ANKS1B: variants seen among roughly 807,000 people sequenced by gnomAD.
ANKS1B encodes the protein ankyrin repeat and sterile alpha motif domain-containing protein 1B.
Under a neutral mutation model 148.3 loss-of-function variants are expected in ANKS1B, and 36 were observed. The ratio of observed to expected loss-of-function variants is 0.24; its 90% confidence interval spans 0.19 to 0.32. The LOEUF is 0.32. ANKS1B is among the 10% of genes least tolerant of loss of function. ANKS1B has a pLI of 1.00. For missense variants in ANKS1B, 1,157 were observed against 1,542.6 expected (o/e 0.75, Z 4.19); for synonymous variants, 542 against 560.8 (o/e 0.97, Z 0.47).
chr12:99,541,389 T>G (rs1215009669), intron 9 of ANKS1B, among the ~76,000 whole-genome samples: 1 of 152,180 alleles, frequency 6.6e-6, no homozygotes, highest in Non-Finnish European at 1.5e-5. Flanking sequence ...CACAAAATGC[T>G]GGCAAACTAA....
At chr12:98,752,193 G>A (rs1034337841) in intron 25 of ANKS1B, among the ~76,000 whole-genome samples, 3 of 152,008 alleles carry the variant, frequency 2.0e-5, no homozygotes, top group Admixed American at 1.3e-4. Context: ...ATAAAGCCAA[G>A]CTGTGCCCTG....
intron 12 of ANKS1B, among the ~76,000 whole-genome samples, chr12:99,302,399 A>G (rs779181935): frequency 6.6e-6 from 1 of 152,166 alleles, no homozygotes; most frequent in Non-Finnish European, 1.5e-5. Flanking sequence ...AAACAACAGT[A>G]GCATTACCAT....
rs369274795 is a variant in ANKS1B, at chr12:99,805,888, G to A, written c.669+516C>T. ...ATCAGTAAGTCTAAATTCACATCCC[G>A]GTTTTATCAACTATGTGTCCTTAGA... On this transcript the variant is annotated intron_variant, in intron 4 of 26. Coordinates refer to ENST00000683438, the MANE Select transcript of ANKS1B (RefSeq NM_001352186.2). Among the ~76,000 whole-genome samples, 14 of 151,856 alleles carry A rather than the reference G, an allele frequency of 9.2e-5. No individual in the cohort carries two copies. The South Asian group carries it at 1.7e-3, about 18-fold the overall frequency.
At chr12:99,499,982 A>G (rs1427973046) in intron 10 of ANKS1B, among the ~76,000 whole-genome samples, 2 of 152,050 alleles carry the variant, frequency 1.3e-5, no homozygotes, top group Non-Finnish European at 2.9e-5. Flanking sequence ...TCAAGCCAAA[A>G]GGGCCAAGGA....
chr12:99,327,321 C>T lies in ANKS1B; in HGVS notation c.1756+72310G>A, dbSNP rs1360916885. On this transcript the variant is annotated intron_variant, in intron 12 of 26. Transcript: ENST00000683438. ...AATATGTAATTATATATTATAATTA[C>T]ATATTATATATAATTATATATTATA... is the stretch of plus-strand genomic sequence containing the variant. Among the ~76,000 whole-genome samples, 856 of 94,128 alleles carry T rather than the reference C, an allele frequency of 9.1e-3. 21 individuals carry two copies. Among genetic ancestry groups the T allele is most frequent in the African/African-American group, 0.036 (815 of 22,916 alleles). 61.8% of individuals were successfully genotyped at this position (94,128 alleles called of 152,430 possible).
At chr12:98,895,064 G>C (rs1237065636) in intron 17 of ANKS1B, 2 of 953,540 alleles carry the variant, frequency 2.1e-6, no homozygotes, top group Non-Finnish European at 2.5e-6. Context: ...CCATTGTTCC[G>C]CGGCTGCTGC....
At chr12:98,947,456 A>C (rs534037791) in intron 17 of ANKS1B, among the ~76,000 whole-genome samples, 51 of 152,304 alleles carry the variant, frequency 3.3e-4, no homozygotes, top group African/African-American at 1.2e-3. Context: ...GTGGGAGAAA[A>C]GCAAGGAGTC....
At chr12:98,913,587 C>T (rs2099789754) in intron 17 of ANKS1B, among the ~76,000 whole-genome samples, 1 of 152,098 alleles carries the variant, frequency 6.6e-6, no homozygotes, top group Non-Finnish European at 1.5e-5. Flanking sequence ...GTGGGCCTGT[C>T]AAACTTAATA....
At chr12:99,869,013 C>A (rs898109668) in intron 1 of ANKS1B, among the ~76,000 whole-genome samples, 7 of 151,886 alleles carry the variant, frequency 4.6e-5, no homozygotes, top group Non-Finnish European at 7.4e-5. Context: ...GTGGAGATTG[C>A]GCCACTGCAA....
intron 9 of ANKS1B, among the ~76,000 whole-genome samples, chr12:99,542,873 T>G (rs891431658): frequency 1.1e-4 from 17 of 152,030 alleles, no homozygotes; most frequent in African/African-American, 3.9e-4. Flanking sequence ...AAGGGTAAAC[T>G]CTACAAAACT....
At position 99,716,795 on chromosome 12, in the gene ANKS1B, G is replaced by A. The variant is rs189055296; in HGVS notation, c.1128+56127C>T. Among the ~76,000 whole-genome samples the A allele has an allele frequency of 4.5e-3, 685 of 152,056 alleles. 11 individuals carry two copies. Among genetic ancestry groups the A allele is most frequent in the African/African-American group, 0.016 (654 of 41,442 alleles). On this transcript the variant is annotated intron_variant, in intron 8 of 26. Transcript: ENST00000683438. ...CTCAGTCCCAACCCCAAGCGTCGCT[G>A]AGTCTTTCTAATCTTCCTTTTCTAC...
chr12:99,310,967 T>C (rs1025263410), intron 12 of ANKS1B, among the ~76,000 whole-genome samples: 9 of 152,210 alleles, frequency 5.9e-5, no homozygotes, highest in East Asian at 1.9e-4. Flanking sequence ...GGGAAAACAA[T>C]AGCACCTGCC....
intron 10 of ANKS1B, among the ~76,000 whole-genome samples, chr12:99,457,365 A>G (rs551334280): frequency 6.6e-6 from 1 of 151,276 alleles, no homozygotes; most frequent in Non-Finnish European, 1.5e-5. Context: ...CAACACTATG[A>G]AAAAAAAACC....
chr12:98,993,744 A>G (rs999998525), intron 17 of ANKS1B, among the ~76,000 whole-genome samples: 5 of 152,268 alleles, frequency 3.3e-5, no homozygotes, highest in Non-Finnish European at 7.3e-5. Context: ...TGCTGAAAGA[A>G]AAATGATGAT....
chr12:99,280,848 CTCTCTCTCTCTCTCTCTGTCTG>C (rs967634765), intron 12 of ANKS1B, among the ~76,000 whole-genome samples: 3 of 150,518 alleles, frequency 2.0e-5, no homozygotes, highest in African/African-American at 7.4e-5. Flanking sequence ...AAATCTCTCT[CTCTCTCTCTCTCTCTCTGTCTG>C]TCTCTCTCTC....
At chr12:99,584,567 A>T (rs1035985238) in intron 9 of ANKS1B, among the ~76,000 whole-genome samples, 5 of 152,182 alleles carry the variant, frequency 3.3e-5, no homozygotes, top group African/African-American at 1.2e-4. Context: ...ACTGTACTCC[A>T]GCCTGGGTGA....
At chr12:98,792,723 C>A (rs1295584200) in intron 22 of ANKS1B, among the ~76,000 whole-genome samples, 6 of 152,238 alleles carry the variant, frequency 3.9e-5, no homozygotes, top group Admixed American at 3.3e-4. Context: ...CTGTGTCTGG[C>A]CTATTTCACT....
chr12:99,615,642 T>G (rs1304304646), intron 9 of ANKS1B, among the ~76,000 whole-genome samples: 1 of 152,134 alleles, frequency 6.6e-6, no homozygotes, highest in African/African-American at 2.4e-5. Context: ...GTAACATATC[T>G]CAAAATAATA....
At chr12:98,993,592 T>C (rs1467684885) in intron 17 of ANKS1B, among the ~76,000 whole-genome samples, 1 of 152,220 alleles carries the variant, frequency 6.6e-6, no homozygotes, top group Non-Finnish European at 1.5e-5. Context: ...GGAACTTAAT[T>C]GAATGATGTT....
Sources: allele counts gnomAD v4.1 joint callset (sites outside exome capture counted in the v4.1 genomes callset), GRCh38; gene constraint gnomAD v4.1.1; transcripts MANE v1.5; gene names NCBI Gene and HGNC (gene_info 2026-07-23, HGNC 2026-07-21).